The following SLC7A7 variants were observed in gnomAD, a reference collection of about 807,000 sequenced individuals.
The protein encoded by SLC7A7 is Y+L amino acid transporter 1.
In SLC7A7, 39 loss-of-function variants were observed where a neutral mutation model predicts 47.9. The observed-to-expected ratio is 0.81, with a 90% CI of 0.63 to 1.06. The LOEUF is 1.06. Among genes scored for constraint, SLC7A7 ranks in the 50% least tolerant of loss-of-function variants. The pLI is 0.00. For missense variants in SLC7A7, 588 were observed against 632.0 expected, an observed-to-expected ratio of 0.93 and a Z score of 0.75; for synonymous variants, 234 against 242.8, an observed-to-expected ratio of 0.96 and a Z score of 0.34.
intron 2 of SLC7A7, among the ~76,000 whole-genome samples, chr14:22,811,571 C>T (rs1175064363): frequency 4.6e-5 from 7 of 152,130 alleles, no homozygotes; most frequent in Admixed American, 3.9e-4. Context: ...CCACAGAGGC[C>T]GGGTGCAGTG....
At chr14:22,790,998 C>CAAA (rs34516291) in intron 2 of SLC7A7, among the ~76,000 whole-genome samples, 33 of 113,230 alleles carry the variant, frequency 2.9e-4, no homozygotes, top group South Asian at 1.4e-3. Context: ...CTCCGTCTCA[C>CAAA]AAAAAAAAAA....
chr14:22,787,866 G>A (rs1010203527), intron 2 of SLC7A7, among the ~76,000 whole-genome samples: 1 of 152,066 alleles, frequency 6.6e-6, no homozygotes, highest in Non-Finnish European at 1.5e-5. Flanking sequence ...AAGGTCAGGA[G>A]ATCGAGACCA....
chr14:22,802,023 G>A (rs1358030288), intron 2 of SLC7A7, among the ~76,000 whole-genome samples: 2 of 152,126 alleles, frequency 1.3e-5, no homozygotes, highest in Admixed American at 6.5e-5. Flanking sequence ...AATTCAACAT[G>A]CCCCCATCCT....
intron 2 of SLC7A7, among the ~76,000 whole-genome samples, chr14:22,801,579 C>T (rs1304085857): frequency 2.0e-5 from 3 of 151,886 alleles, no homozygotes; most frequent in Non-Finnish European, 4.4e-5. Flanking sequence ...GTCAAGAGAT[C>T]AAGACCATCC....
In SLC7A7 at chr14:22,795,427, TTTCTTTCTTTC is replaced by T. The variant is rs1402343214; in HGVS notation, c.500-15387_500-15377del. 2.2e-3 allele frequency among the ~76,000 whole-genome samples: 309 copies of T among 139,336 alleles called. 4 individuals are homozygous for T. The highest frequency in any genetic ancestry group is 7.7e-3 in the African/African-American group (288 of 37,636). The allele number at this position is 139,336 out of a possible 152,430, so 91.4% of individuals were successfully genotyped here. A position where few individuals can be genotyped will look rare whatever the true frequency, so the allele number is the denominator to read the frequency against. ...CTTTCTTTCTTTCTTTCTTTCTTTC[TTTCTTTCTTTC>T]TTTCTTTTCTATTCTTTTCTTTTCT... On this transcript the variant is annotated intron_variant, in intron 2 of 9. Transcript: ENST00000674313.
intron 2 of SLC7A7, among the ~76,000 whole-genome samples, chr14:22,811,511 G>C (rs1374445088): frequency 6.6e-6 from 1 of 152,202 alleles, no homozygotes; most frequent in Non-Finnish European, 1.5e-5. Context: ...TTATTTATGA[G>C]ATGGAGAAAA....
intron 2 of SLC7A7, among the ~76,000 whole-genome samples, chr14:22,795,545 G>T (rs1028586824): frequency 6.6e-6 from 1 of 151,066 alleles, no homozygotes; most frequent in Non-Finnish European, 1.5e-5. Flanking sequence ...TGCAATCTCG[G>T]CTCACTGCAA....
intron 2 of SLC7A7, among the ~76,000 whole-genome samples, chr14:22,811,862 A>T (rs1047036504): frequency 4.6e-5 from 7 of 150,860 alleles, no homozygotes; most frequent in Non-Finnish European, 8.9e-5. Context: ...AAAAAAAAAA[A>T]AAAGGAAGAA....
intron 1 of SLC7A7, 161 bp downstream of exon 1, chr14:22,815,159 C>T: frequency 2.8e-6 from 1 of 355,656 alleles, no homozygotes; most frequent in South Asian, 2.1e-5. Context: ...AAACACCGAA[C>T]AGGAGACAGC....
intron 2 of SLC7A7, among the ~76,000 whole-genome samples, chr14:22,784,348 A>T (rs150268962): frequency 1.3e-5 from 2 of 152,012 alleles, no homozygotes; most frequent in Non-Finnish European, 2.9e-5. Context: ...GGCCGGGTGC[A>T]GTGGCTCACG....
chr14:22,790,495 A>G (rs1594960094), intron 2 of SLC7A7, among the ~76,000 whole-genome samples: 1 of 152,118 alleles, frequency 6.6e-6, no homozygotes, highest in Admixed American at 6.6e-5. Flanking sequence ...CACTGCAATC[A>G]AAAGAATCTA....
chr14:22,778,316 C>CTA lies in SLC7A7; in HGVS notation c.770+475_770+476dup, dbSNP rs142461522. On this transcript the variant is annotated intron_variant, in intron 4 of 9. Transcript: ENST00000674313. ...GTTCTCTTTTCACTCTATATATAGACTACAGAGCAATAATGGTAGGGTGAC... is the reference window on the plus strand; with the variant it reads ...GTTCTCTTTTCACTCTATATATAGACTATACAGAGCAATAATGGTAGGGTGAC... Among the ~76,000 whole-genome samples, 911 of 152,272 alleles carry CTA rather than the reference C, an allele frequency of 6.0e-3. 10 individuals carry two copies. Among genetic ancestry groups the CTA allele is most frequent in the African/African-American group, 0.02 (844 of 41,550 alleles).
At chr14:22,796,544 G>T (rs1241756267) in intron 2 of SLC7A7, among the ~76,000 whole-genome samples, 4 of 152,226 alleles carry the variant, frequency 2.6e-5, no homozygotes, top group African/African-American at 7.2e-5. Flanking sequence ...ATGACACGAA[G>T]AATCTTTGCC....
rs190393407 is a variant in SLC7A7 at position 22,801,453 on chromosome 14, A to T, written c.499+11447T>A. Among the ~76,000 whole-genome samples the T allele has an allele frequency of 2.6e-5, 4 of 152,070 alleles. No homozygotes were observed. In the South Asian group the frequency reaches 8.3e-4, roughly 31 times the overall value. ...CTGGTCTCCTCCTGTGCCTTGTTCT[A>T]CCTTGCAAATCACAACACCATCACA... On this transcript the variant is annotated intron_variant, in intron 2 of 9. Coordinates refer to ENST00000674313, the MANE Select transcript of SLC7A7 (RefSeq NM_003982.4).
At chr14:22,773,893 C>T in intron 9 of SLC7A7, 40 bp downstream of exon 9, 1 of 1,612,610 alleles carries the variant, frequency 6.2e-7, no homozygotes, top group Non-Finnish European at 8.5e-7. Context: ...AAAAACCAAG[C>T]TCTGCAATAG....
intron 2 of SLC7A7, among the ~76,000 whole-genome samples, chr14:22,789,892 G>T (rs919188813): frequency 6.6e-6 from 1 of 152,094 alleles, no homozygotes. Context: ...CTCTCCTTAA[G>T]CCTCCAGAAA....
In SLC7A7 at chr14:22,812,177, A is replaced by AT. The variant is rs2039320447; in HGVS notation, c.499+722dup. 2.0e-5 allele frequency among the ~76,000 whole-genome samples: 3 copies of AT among 150,428 alleles called. No individual in the cohort carries two copies. In the East Asian group the frequency reaches 5.9e-4, roughly 29 times the overall value. The stretch of plus-strand genomic sequence containing the variant: ...CTACACCTCTTTTTTTTTTATTTTT[A>AT]TTTTTTTGAGATAGAGTCTCACTCT... On this transcript the variant is annotated intron_variant, in intron 2 of 9. Transcript: ENST00000674313.
Position 22,807,134 on chromosome 14 carries a change from C to T in SLC7A7, c.499+5766G>A, listed in dbSNP as rs533450013. ...CAGGATGGTCTCAATCTCCTGACCTCGAGATCCACCAGCCTCGGCCTCCCA... is the reference window on the plus strand; with the variant it reads ...CAGGATGGTCTCAATCTCCTGACCTTGAGATCCACCAGCCTCGGCCTCCCA... On this transcript the variant is annotated intron_variant, in intron 2 of 9. Transcript: ENST00000674313. Among the ~76,000 whole-genome samples, 185 of 152,144 alleles carry T rather than the reference C, an allele frequency of 1.2e-3. 1 individual carries two copies. Among genetic ancestry groups the T allele is most frequent in the Non-Finnish European group, 2.3e-3 (154 of 67,994 alleles).
chr14:22,787,318 C>A (rs1489191462), intron 2 of SLC7A7, among the ~76,000 whole-genome samples: 1 of 152,102 alleles, frequency 6.6e-6, no homozygotes, highest in East Asian at 1.9e-4. Context: ...CACCTGTAGT[C>A]CCAGCTACTC....
Sources: gnomAD v4.1 joint callset for allele counts (sites outside exome capture counted in the v4.1 genomes callset) on GRCh38, gnomAD v4.1.1 for gene constraint, MANE v1.5 for transcripts, NCBI Gene and HGNC (gene_info 2026-07-23, HGNC 2026-07-21) for gene names.